CD163L1: variants seen among roughly 807,000 people sequenced by gnomAD.
CD163L1 encodes scavenger receptor cysteine-rich type 1 protein M160.
Under a neutral mutation model 165.4 loss-of-function variants are expected in CD163L1, and 124 were observed. That is an observed-to-expected ratio of 0.75 (90% CI 0.65 to 0.87). CD163L1 has a LOEUF of 0.87. Ranked by LOEUF, CD163L1 falls within the 40% of genes least tolerant of loss-of-function variation. The probability of loss-of-function intolerance (pLI) is 0.00; values close to 1 mark genes in which losing one functional copy is unlikely to be tolerated. For synonymous variants in CD163L1, 585 were observed against 662.2 expected (o/e 0.88, Z 1.79); for missense variants, 1,525 against 1,799.9 (o/e 0.85, Z 2.76).
intron 9 of CD163L1, among the ~76,000 whole-genome samples, chr12:7,378,234 A>G (rs1947312475): frequency 6.6e-6 from 1 of 152,134 alleles, no homozygotes; most frequent in Non-Finnish European, 1.5e-5. Context: ...GCTTTTCACC[A>G]GCTCCACAGT....
chr12:7,396,021 G>A (rs1591921913), intron 8 of CD163L1, 74 bp downstream of exon 8: 1 of 1,221,810 alleles, frequency 8.2e-7, no homozygotes, highest in South Asian at 1.5e-5. Flanking sequence ...TAAATGTACT[G>A]ACTAAGAAGA....
chr12:7,368,130 G>A lies in CD163L1; in HGVS notation c.4140C>T (p.Leu1380=). 6.2e-7 allele frequency: 1 copy of A among 1,612,712 alleles called. No individual in the cohort carries two copies. The highest frequency in any genetic ancestry group is 8.5e-7 in the Non-Finnish European group (1 of 1,178,790). ...TTTGTTTCTGAACTCGGCACCACGT[G>A]AGAAATAGAATAAACAGAACCAGGA... The part of the protein sequence containing the change: ...LLLLVLFILF[L]TWCRVQKQKH... The change falls in exon 17 of 20, where the codon CTC becomes CTT. Residue 1380 remains leucine (L), a synonymous_variant. Transcript: ENST00000313599. This position sits in a 1 kb window ranked among gnomAD's most constrained non-coding sequence, Gnocchi z 4.3.
At chr12:7,439,059 G>A in intron 2 of CD163L1, 1 of 1,586,506 alleles carries the variant, frequency 6.3e-7, no homozygotes, top group Non-Finnish European at 8.5e-7. Flanking sequence ...CTGTCTAGGG[G>A]CTTCTCAAAG....
At chr12:7,340,372 A>C in the CD163L1 span, among the ~76,000 whole-genome samples, 1 of 152,212 alleles carries the variant, frequency 6.6e-6, no homozygotes, top group Non-Finnish European at 1.5e-5. Context: ...CCATAATAAA[A>C]GTATATGATG....
intron 18 of CD163L1, among the ~76,000 whole-genome samples, chr12:7,363,337 T>C (rs1442317007): frequency 1.3e-5 from 2 of 150,344 alleles, no homozygotes; most frequent in African/African-American, 4.9e-5. Context: ...GTAGAAAGAC[T>C]ACAAATAAAG....
intron 8 of CD163L1, among the ~76,000 whole-genome samples, chr12:7,394,848 C>T (rs750090432): frequency 6.6e-6 from 1 of 152,108 alleles, no homozygotes; most frequent in Admixed American, 6.6e-5. Flanking sequence ...AGAAAATGCT[C>T]ATCATCACTG....
chr12:7,425,865 C>T (rs1173710516), intron 4 of CD163L1, among the ~76,000 whole-genome samples: 1 of 151,516 alleles, frequency 6.6e-6, no homozygotes, highest in Non-Finnish European at 1.5e-5. Context: ...ATTAGTTCAA[C>T]CATTGTGGAA....
At chr12:7,384,918 AAAT>A (rs1389170682) in intron 8 of CD163L1, among the ~76,000 whole-genome samples, 1 of 152,096 alleles carries the variant, frequency 6.6e-6, no homozygotes, top group African/African-American at 2.4e-5. Flanking sequence ...CAGCAATAAT[AAAT>A]AATGAGAGAA....
chr12:7,368,785 G>A lies in CD163L1; in HGVS notation c.4072+148C>T. 1 of 803,310 alleles carries A rather than the reference G, an allele frequency of 1.2e-6. No homozygotes were observed. Among genetic ancestry groups the A allele is most frequent in the Non-Finnish European group, 2.1e-6 (1 of 476,524 alleles). 49.8% of individuals were successfully genotyped at this position (803,310 alleles called of 1,614,324 possible). ...AGGACTGCATAGCAAAGCAGTCACA[G>A]AGCTATTGATACCACTGGCTGCGAC... On this transcript the variant is annotated intron_variant, in intron 16 of 19. Coordinates refer to ENST00000313599, the MANE Select transcript of CD163L1 (RefSeq NM_174941.6). The surrounding 1 kb of genome is among the most constrained non-coding windows in gnomAD (Gnocchi z 4.3).
chr12:7,386,845 A>G (rs1035276339), intron 8 of CD163L1, among the ~76,000 whole-genome samples: 2 of 152,184 alleles, frequency 1.3e-5, no homozygotes, highest in Non-Finnish European at 2.9e-5. Context: ...AAGGCCATAT[A>G]GGACAAGCCT....
the CD163L1 span, among the ~76,000 whole-genome samples, chr12:7,340,480 A>C: frequency 6.6e-6 from 1 of 152,206 alleles, no homozygotes; most frequent in Non-Finnish European, 1.5e-5. Flanking sequence ...TAATACTTAT[A>C]GTTGGAAAAG....
the CD163L1 span, among the ~76,000 whole-genome samples, chr12:7,327,877 A>G: frequency 1.3e-5 from 2 of 152,130 alleles, no homozygotes; most frequent in African/African-American, 4.8e-5. Flanking sequence ...AGAAGGGAAA[A>G]CTGTATATAC....
At chr12:7,401,666 G>A (rs553456274) in intron 6 of CD163L1, among the ~76,000 whole-genome samples, 37 of 152,156 alleles carry the variant, frequency 2.4e-4, no homozygotes, top group South Asian at 8.3e-4. Flanking sequence ...CATTAAGATA[G>A]ATTAGTAATG....
At position 7,398,403 on chromosome 12, in the gene CD163L1, A is replaced by G. The variant is rs763101026; in HGVS notation, c.1590T>C (p.Tyr530=). 1 of 1,614,168 alleles carries G rather than the reference A, an allele frequency of 6.2e-7. No individual in the cohort carries two copies. The highest frequency in any genetic ancestry group is 1.3e-5 in the African/African-American group (1 of 75,064). The change falls in exon 7 of 20, where the codon TAT becomes TAC. Residue 530 remains tyrosine (Y), a synonymous_variant. Coordinates refer to ENST00000313599, the MANE Select transcript of CD163L1 (RefSeq NM_174941.6). This position sits in a 1 kb window ranked among gnomAD's most constrained non-coding sequence, Gnocchi z 4.5. The stretch of plus-strand genomic sequence containing the variant: ...AAATAGGTCCTGATGCTTCTTTAAA[A>G]TAGGTCATACCAAACACATGCAAAG... ...GKPLHVFGMT[Y]FKEASGPIWL... is the part of the protein sequence containing the mutation.
chr12:7,360,791 A>C (rs1322144469), intron 18 of CD163L1, among the ~76,000 whole-genome samples: 1 of 152,116 alleles, frequency 6.6e-6, no homozygotes, highest in East Asian at 1.9e-4. Flanking sequence ...GTAGATTGGC[A>C]ACTGCTGGTT....
the CD163L1 span, chr12:7,322,308 A>G: frequency 2.0e-6 from 3 of 1,485,720 alleles, no homozygotes; most frequent in African/African-American, 2.8e-5. Flanking sequence ...GAACTTTGCT[A>G]AGACTTGCCT....
downstream of CD163L1, among the ~76,000 whole-genome samples, chr12:7,351,706 T>C (rs1173633164): frequency 6.6e-6 from 1 of 152,174 alleles, no homozygotes; most frequent in African/African-American, 2.4e-5. Context: ...TATTGCTTTC[T>C]AAATTTTATT....
intron 4 of CD163L1, among the ~76,000 whole-genome samples, chr12:7,425,916 A>G (rs889000280): frequency 6.6e-6 from 1 of 152,190 alleles, no homozygotes; most frequent in Non-Finnish European, 1.5e-5. Flanking sequence ...TAGAAATACC[A>G]TTTGACCCAT....
At chr12:7,428,077 G>A (rs1948573805) in intron 4 of CD163L1, among the ~76,000 whole-genome samples, 2 of 152,076 alleles carry the variant, frequency 1.3e-5, no homozygotes, top group South Asian at 4.1e-4. Context: ...ATTTCTGGTT[G>A]CCCTTGGCAA....
Sources: allele counts gnomAD v4.1 joint callset (sites outside exome capture counted in the v4.1 genomes callset), GRCh38; gene constraint gnomAD v4.1.1; non-coding constraint Gnocchi (gnomAD v3.1); transcripts MANE v1.5; gene names NCBI Gene and HGNC (gene_info 2026-07-23, HGNC 2026-07-21).